The following CLVS1 variants were observed in gnomAD, a reference collection of about 807,000 sequenced individuals.
The protein encoded by CLVS1 is clavesin 1.
CLVS1 carries 10 observed loss-of-function variants against 33.1 expected under a neutral mutation model. The ratio of observed to expected loss-of-function variants is 0.30; its 90% CI spans 0.19 to 0.51. The LOEUF (loss-of-function observed/expected upper bound fraction) is 0.51, where lower values mean the gene tolerates loss of function less well. Ranked by LOEUF, CLVS1 falls within the 20% of genes least tolerant of loss-of-function variation. The probability of loss-of-function intolerance (pLI) is 0.97; values close to 1 mark genes in which losing one functional copy is unlikely to be tolerated. For synonymous variants in CLVS1, 163 were observed against 166.1 expected (o/e 0.98, Z 0.14); for missense variants, 343 against 433.4 (o/e 0.79, Z 1.85).
At chr8:61,174,056 T>C (rs1317944533) in intron 2 of CLVS1, among the ~76,000 whole-genome samples, 2 of 152,148 alleles carry the variant, frequency 1.3e-5, no homozygotes, top group Non-Finnish European at 1.5e-5. Flanking sequence ...CTGACAAATA[T>C]CAAAAGCAAG....
intron 2 of CLVS1, among the ~76,000 whole-genome samples, chr8:61,319,743 C>T (rs560374269): frequency 6.6e-6 from 1 of 152,238 alleles, no homozygotes; most frequent in African/African-American, 2.4e-5. Context: ...AAGGTTAATG[C>T]TTTATGGCAT....
intron 1 of CLVS1, among the ~76,000 whole-genome samples, chr8:61,065,474 T>C (rs900348890): frequency 6.6e-6 from 1 of 152,102 alleles, no homozygotes; most frequent in African/African-American, 2.4e-5. Context: ...GTAACCCACA[T>C]AAAAGGTGAA....
rs186507850 is a variant in CLVS1, at chr8:61,479,031, A to G, written c.978-20424A>G. Among the ~76,000 whole-genome samples the G allele has an allele frequency of 3.9e-3, 592 of 152,000 alleles. 4 individuals are homozygous for G. Among genetic ancestry groups the G allele is most frequent in the African/African-American group, 0.014 (575 of 41,422 alleles). ...CCTTAACATTTTTTCCTTCATTTCA[A>G]CTTTGGTGAATCTGACAATTATGTG... On this transcript the variant is annotated intron_variant, in intron 5 of 5. Coordinates refer to ENST00000325897, the MANE Select transcript of CLVS1 (RefSeq NM_173519.3).
At chr8:60,983,227 A>G in the CLVS1 span, among the ~76,000 whole-genome samples, 2 of 152,200 alleles carry the variant, frequency 1.3e-5, no homozygotes, top group African/African-American at 4.8e-5. Flanking sequence ...CAACACTGGA[A>G]TTCTGAGTGT....
At chr8:61,326,485 T>A (rs1811390152) in intron 2 of CLVS1, among the ~76,000 whole-genome samples, 1 of 152,080 alleles carries the variant, frequency 6.6e-6, no homozygotes, top group Non-Finnish European at 1.5e-5. Context: ...AGTTGTGAGG[T>A]CTCTTGAAGT....
intron 5 of CLVS1, among the ~76,000 whole-genome samples, chr8:61,459,517 C>G (rs1193843975): frequency 6.8e-6 from 1 of 146,288 alleles, no homozygotes; most frequent in African/African-American, 2.5e-5. Flanking sequence ...CTCTTCCCCC[C>G]AAGTCCCCAA....
At chr8:61,196,535 C>T (rs1807613038) in intron 2 of CLVS1, among the ~76,000 whole-genome samples, 1 of 152,148 alleles carries the variant, frequency 6.6e-6, no homozygotes, top group Admixed American at 6.5e-5. Context: ...CCAGGGTTGG[C>T]TTAGGCACAG....
chr8:61,394,163 A>G (rs1814422856), intron 3 of CLVS1, among the ~76,000 whole-genome samples: 1 of 152,202 alleles, frequency 6.6e-6, no homozygotes, highest in African/African-American at 2.4e-5. Context: ...CCTTGCCAAC[A>G]TGGTGAAACA....
At chr8:61,022,094 C>T in the CLVS1 span, among the ~76,000 whole-genome samples, 1 of 152,218 alleles carries the variant, frequency 6.6e-6, no homozygotes, top group African/African-American at 2.4e-5. Context: ...CCTCTTAAGG[C>T]ATGAGTGTCA....
At chr8:61,392,464 A>T (rs1814341618) in intron 3 of CLVS1, among the ~76,000 whole-genome samples, 1 of 152,164 alleles carries the variant, frequency 6.6e-6, no homozygotes, top group Non-Finnish European at 1.5e-5. Context: ...TAAATTATAA[A>T]ATTATGAAGT....
intron 2 of CLVS1, among the ~76,000 whole-genome samples, chr8:61,256,137 C>T (rs879452588): frequency 6.6e-6 from 1 of 152,110 alleles, no homozygotes; most frequent in Non-Finnish European, 1.5e-5. Flanking sequence ...TCCTCCTAGC[C>T]CCTAGTAACC....
rs541170789 is a variant in CLVS1, at chr8:61,099,675, C to T, written c.-242-32095C>T. ...GGGTCCAAAGAATGAGAGAGTTTGG[C>T]GAGCAGGTCTCTGGGACTAAACTTT... On this transcript the variant is annotated intron_variant, in intron 1 of 2. Coordinates refer to the CLVS1 transcript ENST00000522621. 2.6e-5 allele frequency among the ~76,000 whole-genome samples: 4 copies of T among 152,134 alleles called. No homozygotes were observed. The South Asian group carries it at 8.3e-4, about 32-fold the overall frequency.
At chr8:61,358,022 A>G (rs1353716654) in intron 2 of CLVS1, among the ~76,000 whole-genome samples, 4 of 152,194 alleles carry the variant, frequency 2.6e-5, no homozygotes, top group Admixed American at 1.3e-4. Flanking sequence ...TTTCTTATGT[A>G]TAAAGATGAA....
At chr8:61,022,394 A>C in the CLVS1 span, among the ~76,000 whole-genome samples, 2 of 152,232 alleles carry the variant, frequency 1.3e-5, no homozygotes, top group Non-Finnish European at 2.9e-5. Context: ...ATCGACAAGG[A>C]GACACAAGCC....
chr8:61,447,555 T>G (rs1221496310), intron 3 of CLVS1, among the ~76,000 whole-genome samples: 2 of 152,004 alleles, frequency 1.3e-5, no homozygotes, highest in Non-Finnish European at 2.9e-5. Context: ...CATGTAGTTT[T>G]TTTAGTGATT....
chr8:61,478,798 G>A (rs1388119234), intron 5 of CLVS1, among the ~76,000 whole-genome samples: 2 of 152,094 alleles, frequency 1.3e-5, no homozygotes, highest in Non-Finnish European at 2.9e-5. Flanking sequence ...CTTTTAATTG[G>A]AGCATTTAGC....
intron 2 of CLVS1, among the ~76,000 whole-genome samples, chr8:61,173,609 G>C (rs906365813): frequency 6.6e-6 from 1 of 152,184 alleles, no homozygotes; most frequent in Admixed American, 6.5e-5. Flanking sequence ...TTGACCCAAA[G>C]ATCATTCAGG....
chr8:61,052,899 G>A (rs964057046), upstream of CLVS1, among the ~76,000 whole-genome samples: 22 of 152,162 alleles, frequency 1.4e-4, no homozygotes, highest in African/African-American at 4.3e-4. Context: ...GCTGGGAGGC[G>A]GCTGTGATCA....
chr8:61,153,012 C>G (rs1806571994), intron 2 of CLVS1, among the ~76,000 whole-genome samples: 1 of 151,988 alleles, frequency 6.6e-6, no homozygotes, highest in Non-Finnish European at 1.5e-5. Context: ...AAAATACACA[C>G]AAAAAATTAG....
Sources: allele counts gnomAD v4.1 joint callset (sites outside exome capture counted in the v4.1 genomes callset), GRCh38; gene constraint gnomAD v4.1.1; transcripts MANE v1.5; gene names NCBI Gene and HGNC (gene_info 2026-07-23, HGNC 2026-07-21).